ARHGEF9: variants seen among roughly 807,000 people sequenced by gnomAD.
ARHGEF9 encodes rho guanine nucleotide exchange factor 9.
In ARHGEF9, 2 loss-of-function variants were observed where a neutral mutation model predicts 41.3. The ratio of observed to expected loss-of-function variants is 0.05; its 90% CI spans 0.02 to 0.15. The LOEUF (loss-of-function observed/expected upper bound fraction) is 0.15. Among genes scored for constraint, ARHGEF9 ranks in the 10% least tolerant of loss-of-function variants. The probability of loss-of-function intolerance (pLI) is 1.00; values close to 1 mark genes in which losing one functional copy is unlikely to be tolerated. For synonymous variants in ARHGEF9, 160 were observed against 154.4 expected, an observed-to-expected ratio of 1.04 and a Z score of -0.27; for missense variants, 225 against 424.7, an observed-to-expected ratio of 0.53 and a Z score of 4.13.
At chrX:63,754,493 T>C in intron 1 of ARHGEF9, 1 of 1,105,131 alleles carries the variant, frequency 9.0e-7, no homozygotes, top group Admixed American at 3.6e-5. Context: ...ATTCAGCGCG[T>C]TCCCAGGAAA....
chrX:63,703,613 C>A (rs782213957), intron 3 of ARHGEF9, among the ~76,000 whole-genome samples: 13 of 111,898 alleles, frequency 1.2e-4, no homozygotes, highest in Admixed American at 4.7e-4. Flanking sequence ...AGGCACTGTG[C>A]TGGGGGAATA....
chrX:63,760,339 A>G (rs1184794902), intron 1 of ARHGEF9, among the ~76,000 whole-genome samples: 2 of 111,263 alleles, frequency 1.8e-5, no homozygotes, highest in African/African-American at 6.5e-5. Context: ...ATGCTCTTGC[A>G]TGTTCATGGG....
At position 63,757,827 on chromosome X, in the gene ARHGEF9, C is replaced by T. The variant is rs781955578; in HGVS notation, c.30+27289G>A. Among the ~76,000 whole-genome samples the T allele has an allele frequency of 2.7e-5, 3 of 112,520 alleles. No individual in the cohort carries two copies. The East Asian group carries it at 8.4e-4, about 31-fold the overall frequency. ...CTCTGGATTGGTTTTTAAGGATCCA[C>T]TCCTTCTAGCCTGCCTTCCTATATT... On this transcript the variant is annotated intron_variant, in intron 1 of 9. Transcript: ENST00000671741.
intron 3 of ARHGEF9, among the ~76,000 whole-genome samples, chrX:63,699,172 T>C (rs1390314970): frequency 8.9e-6 from 1 of 111,918 alleles, no homozygotes; most frequent in East Asian, 2.8e-4. Context: ...CATCTCAACA[T>C]TAAATGGGAG....
intron 4 of ARHGEF9, among the ~76,000 whole-genome samples, chrX:63,690,504 A>G (rs782452413): frequency 3.6e-5 from 4 of 112,020 alleles, no homozygotes; most frequent in African/African-American, 1.3e-4. Flanking sequence ...AAAGTGTCTC[A>G]TCAAAGAAAA....
chrX:63,753,232 C>G (rs1476700700), intron 1 of ARHGEF9, among the ~76,000 whole-genome samples: 2 of 111,342 alleles, frequency 1.8e-5, no homozygotes, highest in Non-Finnish European at 3.8e-5. Context: ...GTTTTCCATG[C>G]TCTCATCCCT....
chrX:63,646,730 T>C (rs1473153721), intron 8 of ARHGEF9, among the ~76,000 whole-genome samples: 2 of 112,093 alleles, frequency 1.8e-5, no homozygotes, highest in South Asian at 3.7e-4. Context: ...TTTGGTTCCA[T>C]ATGAACTTTA....
At chrX:63,762,213 G>A (rs2056046004) in intron 1 of ARHGEF9, among the ~76,000 whole-genome samples, 1 of 112,001 alleles carries the variant, frequency 8.9e-6, no homozygotes, top group Non-Finnish European at 1.9e-5. Context: ...TGAACTGCAA[G>A]CCATTGGACA....
intron 3 of ARHGEF9, 61 bp from the exon 4 acceptor site, chrX:63,697,365 T>A: frequency 9.3e-7 from 1 of 1,075,200 alleles, no homozygotes; most frequent in East Asian, 3.0e-5. Flanking sequence ...GCTTTACACT[T>A]CCTAAGCACT....
At position 63,697,109 on chromosome X, in the gene ARHGEF9, T is replaced by C. The variant is rs782778780; in HGVS notation, c.582+16A>G. ...AACACCTCTCAAAACCCTCCCCAAA[T>C]GGATAAGATACTTACGTGCTCTAGG... On this transcript the variant is annotated intron_variant, in intron 4 of 9. Transcript: ENST00000671741. 2.5e-6 allele frequency: 3 copies of C among 1,203,817 alleles called. No individual in the cohort carries two copies. In the African/African-American group the frequency reaches 5.3e-5, roughly 21 times the overall value.
intron 3 of ARHGEF9, among the ~76,000 whole-genome samples, chrX:63,705,922 C>T (rs1309922886): frequency 9.0e-6 from 1 of 111,156 alleles, no homozygotes; most frequent in African/African-American, 3.3e-5. Flanking sequence ...TAAGCCCTTA[C>T]ATGAGATGGC....
intron 1 of ARHGEF9, among the ~76,000 whole-genome samples, chrX:63,728,813 G>A (rs2054123569): frequency 8.9e-6 from 1 of 111,775 alleles, no homozygotes; most frequent in Admixed American, 9.5e-5. Flanking sequence ...GTGTGGCAAT[G>A]AAGATAGCCC....
chrX:63,646,946 G>A (rs1305355180), intron 8 of ARHGEF9, among the ~76,000 whole-genome samples: 42 of 110,895 alleles, frequency 3.8e-4, no homozygotes, highest in African/African-American at 9.2e-4. Flanking sequence ...GTTCCTTCAC[G>A]TCCCTTGTAA....
At position 63,635,371 on chromosome X, in the gene ARHGEF9, G is replaced by A; in HGVS notation, c.*2657C>T. 1.9e-6 allele frequency: 1 copy of A among 521,931 alleles called. No individual in the cohort carries two copies. Among genetic ancestry groups the A allele is most frequent in the Non-Finnish European group, 3.5e-6 (1 of 285,833 alleles). 43.0% of individuals were successfully genotyped at this position (521,931 alleles called of 1,213,427 possible). On this transcript the variant is annotated 3_prime_UTR_variant, in exon 10 of 10. Transcript: ENST00000671741. ...GAACACACTAGCAAAGCCTTTTGGAGAGCAAATCCTGGCCTCACTGAGTTG... is the reference window on the plus strand; with the variant it reads ...GAACACACTAGCAAAGCCTTTTGGAAAGCAAATCCTGGCCTCACTGAGTTG...
In ARHGEF9 at chrX:63,678,688, C is replaced by A; in HGVS notation, c.583-116G>T. ...CAGAAATATTAAAATGATAATGAGTCAATTATTCTTAAATTGATTCATAAT... is the reference window on the plus strand; with the variant it reads ...CAGAAATATTAAAATGATAATGAGTAAATTATTCTTAAATTGATTCATAAT... On this transcript the variant is annotated intron_variant, in intron 4 of 9. Coordinates refer to ENST00000671741, the MANE Select transcript of ARHGEF9 (RefSeq NM_001353921.2). The A allele has an allele frequency of 1.4e-5, 7 of 504,682 alleles. No homozygotes were observed. In the South Asian group the frequency reaches 1.5e-4, roughly 11 times the overall value. The allele number at this position is 504,682 out of a possible 1,213,427, so 41.6% of individuals were successfully genotyped here. A position where few individuals can be genotyped will look rare whatever the true frequency, so the allele number is the denominator to read the frequency against.
At chrX:63,674,310 A>T in intron 5 of ARHGEF9, 143 bp from the exon 6 acceptor site, 2 of 640,458 alleles carry the variant, frequency 3.1e-6, no homozygotes, top group Non-Finnish European at 4.8e-6. Context: ...CCACCTAAAG[A>T]CTACATTTTC....
rs1347763728 is a variant in ARHGEF9, at chrX:63,715,834, G to A, written c.210+8698C>T. 2.6e-4 allele frequency among the ~76,000 whole-genome samples: 29 copies of A among 112,126 alleles called. No individual in the cohort carries two copies. In the Admixed American group the frequency reaches 2.6e-3, roughly 10 times the overall value. On this transcript the variant is annotated intron_variant, in intron 2 of 9. Coordinates refer to ENST00000671741, the MANE Select transcript of ARHGEF9 (RefSeq NM_001353921.2). ...CTACAGACTGAGAGGAGAGAGGAGTGAGGAATGAGTGTGAATGGGTATGGA... is the reference window on the plus strand; with the variant it reads ...CTACAGACTGAGAGGAGAGAGGAGTAAGGAATGAGTGTGAATGGGTATGGA...
At chrX:63,648,263 T>C (rs188258140) in intron 8 of ARHGEF9, among the ~76,000 whole-genome samples, 3 of 111,435 alleles carry the variant, frequency 2.7e-5, no homozygotes, top group African/African-American at 9.8e-5. Flanking sequence ...CGGCAGAAAC[T>C]CTACAAGCCA....
At chrX:63,776,238 G>T (rs191075084) in intron 1 of ARHGEF9, among the ~76,000 whole-genome samples, 2 of 111,449 alleles carry the variant, frequency 1.8e-5, no homozygotes, top group African/African-American at 6.5e-5. Context: ...CCAAGGCACT[G>T]CCATGGTAAC....
Sources: allele counts gnomAD v4.1 joint callset (sites outside exome capture counted in the v4.1 genomes callset), GRCh38; gene constraint gnomAD v4.1.1; transcripts MANE v1.5; gene names NCBI Gene and HGNC (gene_info 2026-07-23, HGNC 2026-07-21).